Variants in AZIN1 observed in about 807,000 individuals in gnomAD.
AZIN1 encodes ornithine decarboxylase antizyme inhibitor.
AZIN1 carries 12 observed loss-of-function variants against 47.4 expected under a neutral mutation model. The observed-to-expected ratio is 0.25, with a 90% CI of 0.16 to 0.41. The LOEUF (loss-of-function observed/expected upper bound fraction) is 0.41, where lower values mean the gene tolerates loss of function less well. Ranked by LOEUF, AZIN1 falls within the 10% of genes least tolerant of loss-of-function variation. The probability of loss-of-function intolerance (pLI) is 1.00; values close to 1 mark genes in which losing one functional copy is unlikely to be tolerated. For synonymous variants in AZIN1, 155 were observed against 176.3 expected (o/e 0.88, Z 0.96); for missense variants, 410 against 532.4 (o/e 0.77, Z 2.26).
rs2131182105 is a variant in AZIN1 at position 102,827,753 on chromosome 8, T to A, written c.*814A>T. On this transcript the variant is annotated 3_prime_UTR_variant, in exon 12 of 12. Transcript: ENST00000337198. The stretch of plus-strand genomic sequence containing the variant: ...AGTTGATTTATGCAGGATTAACATT[T>A]TTGGTGTTAAAATTGTTAAACATCA... The A allele has an allele frequency of 6.5e-6, 1 of 152,748 alleles. No individual in the cohort carries two copies. Among genetic ancestry groups the A allele is most frequent in the African/African-American group, 2.4e-5 (1 of 41,578 alleles). 9.5% of individuals were successfully genotyped at this position (152,748 alleles called of 1,614,324 possible). A position where few individuals can be genotyped will look rare whatever the true frequency, so the allele number is the denominator to read the frequency against.
intron 5 of AZIN1, among the ~76,000 whole-genome samples, chr8:102,837,439 A>C (rs566780459): frequency 1.1e-4 from 17 of 152,372 alleles, no homozygotes; most frequent in African/African-American, 3.8e-4. Flanking sequence ...TGGATGTAAT[A>C]ATTACATAAA....
At chr8:102,840,509 C>A (rs1371065368) in intron 3 of AZIN1, among the ~76,000 whole-genome samples, 1 of 152,114 alleles carries the variant, frequency 6.6e-6, no homozygotes, top group East Asian at 1.9e-4. Flanking sequence ...CGTGACCAAC[C>A]AGGAAACCAT....
intron 2 of AZIN1, among the ~76,000 whole-genome samples, chr8:102,847,118 T>C (rs1286828304): frequency 6.6e-6 from 1 of 152,182 alleles, no homozygotes; most frequent in African/African-American, 2.4e-5. Flanking sequence ...ACAAAATCAT[T>C]CTGTTGCAAA....
chr8:102,829,706 A>G, intron 10 of AZIN1, 115 bp downstream of exon 10: 1 of 911,086 alleles, frequency 1.1e-6, no homozygotes, highest in Admixed American at 2.5e-5. Flanking sequence ...AAATCCTCAA[A>G]AAGGACATTT....
At chr8:102,852,409 C>T (rs1298262404) in intron 2 of AZIN1, among the ~76,000 whole-genome samples, 1 of 152,098 alleles carries the variant, frequency 6.6e-6, no homozygotes, top group African/African-American at 2.4e-5. Flanking sequence ...AACCTTGTCT[C>T]TACTAAAAAT....
intron 9 of AZIN1, among the ~76,000 whole-genome samples, chr8:102,832,331 C>G (rs1237307182): frequency 6.6e-6 from 1 of 151,908 alleles, no homozygotes; most frequent in East Asian, 1.9e-4. Flanking sequence ...AAAAAAAAGT[C>G]TTCTTAATGT....
chr8:102,846,520 G>T (rs1991927), intron 2 of AZIN1, among the ~76,000 whole-genome samples: 72,260 of 151,882 alleles, frequency 0.48, 17,332 homozygotes, highest in Admixed American at 0.52. Context: ...TATCTCCATT[G>T]ATATACTGAG....
intron 2 of AZIN1, among the ~76,000 whole-genome samples, chr8:102,849,115 G>T (rs1448287998): frequency 1.3e-5 from 2 of 152,066 alleles, no homozygotes; most frequent in African/African-American, 4.8e-5. Context: ...CCAACATGGT[G>T]AAACTTGTCT....
At chr8:102,851,621 G>A (rs1024062488) in intron 2 of AZIN1, among the ~76,000 whole-genome samples, 10 of 152,076 alleles carry the variant, frequency 6.6e-5, no homozygotes, top group African/African-American at 1.2e-4. Flanking sequence ...CAGGAGAATC[G>A]CTTGAACCTG....
At chr8:102,830,445 G>C (rs1811372587) in intron 9 of AZIN1, among the ~76,000 whole-genome samples, 1 of 146,796 alleles carries the variant, frequency 6.8e-6, no homozygotes, top group African/African-American at 2.5e-5. Flanking sequence ...GATTCTAGAA[G>C]ACTTTCTGAT....
In AZIN1 at chr8:102,858,039, C is replaced by T; in HGVS notation, c.-122G>A. The stretch of plus-strand genomic sequence containing the variant: ...TGGACAAGTTGGGAGATGGAACCCC[C>T]CTATCATCAGCTAGGTTCCCAAGGT... On this transcript the variant is annotated 5_prime_UTR_variant, in exon 2 of 12. Coordinates refer to ENST00000337198, the MANE Select transcript of AZIN1 (RefSeq NM_148174.4). The T allele has an allele frequency of 2.5e-6, 1 of 399,004 alleles. No individual in the cohort carries two copies. Among genetic ancestry groups the T allele is most frequent in the Non-Finnish European group, 4.4e-6 (1 of 226,042 alleles). The allele number at this position is 399,004 out of a possible 1,614,324, so 24.7% of individuals were successfully genotyped here. A position where few individuals can be genotyped will look rare whatever the true frequency, so the allele number is the denominator to read the frequency against.
chr8:102,839,025 T>C, intron 4 of AZIN1, 109 bp from the exon 5 acceptor site: 1 of 977,512 alleles, frequency 1.0e-6, no homozygotes, highest in Non-Finnish European at 1.5e-6. Flanking sequence ...GGTCTCACTC[T>C]TTGTATTCCA....
Sources: allele counts gnomAD v4.1 joint callset (sites outside exome capture counted in the v4.1 genomes callset), GRCh38; gene constraint gnomAD v4.1.1; transcripts MANE v1.5; gene names NCBI Gene and HGNC (gene_info 2026-07-23, HGNC 2026-07-21).